Variants in KCNMB2 observed in about 807,000 individuals in gnomAD.
KCNMB2 encodes potassium calcium-activated channel subfamily M regulatory beta subunit 2.
A neutral mutation model predicts 24.5 loss-of-function variants in KCNMB2; 9 were observed. That is an observed-to-expected ratio of 0.37 (90% CI 0.22 to 0.64). The LOEUF is 0.64. Ranked by LOEUF, KCNMB2 falls within the 30% of genes least tolerant of loss-of-function variation. The pLI is 0.63. For synonymous variants in KCNMB2, 109 were observed against 104.4 expected, an observed-to-expected ratio of 1.04 and a Z score of -0.27; for missense variants, 226 against 284.3, an observed-to-expected ratio of 0.79 and a Z score of 1.47.
chr3:178,573,746 C>CAAAA (rs11348394), intron 1 of KCNMB2, among the ~76,000 whole-genome samples: 3 of 78,984 alleles, frequency 3.8e-5, no homozygotes, highest in East Asian at 3.6e-4. Flanking sequence ...GACCCTGTCT[C>CAAAA]AAAAAAAAAA....
chr3:178,793,323 C>G (rs988190637), intron 1 of KCNMB2, among the ~76,000 whole-genome samples: 2 of 152,138 alleles, frequency 1.3e-5, no homozygotes, highest in African/African-American at 4.8e-5. Flanking sequence ...GTCAGGGAAG[C>G]AGAATGATGC....
intron 1 of KCNMB2, among the ~76,000 whole-genome samples, chr3:178,761,359 C>A (rs1425545292): frequency 6.6e-6 from 1 of 152,154 alleles, no homozygotes; most frequent in Non-Finnish European, 1.5e-5. Flanking sequence ...TTTTCTAAAG[C>A]ACAGAAGAAA....
chr3:178,761,134 G>A (rs777097175), intron 1 of KCNMB2, among the ~76,000 whole-genome samples: 18 of 152,128 alleles, frequency 1.2e-4, no homozygotes, highest in Non-Finnish European at 2.2e-4. Context: ...CACTAACTCC[G>A]AGTCTGAATG....
intron 1 of KCNMB2, among the ~76,000 whole-genome samples, chr3:178,640,520 A>C (rs1201735307): frequency 6.6e-6 from 1 of 152,158 alleles, no homozygotes; most frequent in Non-Finnish European, 1.5e-5. Flanking sequence ...TGGGTATTAC[A>C]ATTTGACATG....
chr3:178,658,229 G>A (rs527545826), intron 1 of KCNMB2, among the ~76,000 whole-genome samples: 2 of 152,302 alleles, frequency 1.3e-5, no homozygotes, highest in South Asian at 4.1e-4. Flanking sequence ...TGAAACTTAA[G>A]ATCTTGTCAA....
chr3:178,783,870 C>T (rs1051585074), intron 1 of KCNMB2, among the ~76,000 whole-genome samples: 1 of 152,134 alleles, frequency 6.6e-6, no homozygotes, highest in Non-Finnish European at 1.5e-5. Context: ...TGTCTTGTGC[C>T]AGTTTTCAAA....
chr3:178,755,184 T>C (rs1433851948), intron 1 of KCNMB2, among the ~76,000 whole-genome samples: 1 of 152,226 alleles, frequency 6.6e-6, no homozygotes, highest in Non-Finnish European at 1.5e-5. Context: ...CAAGGAGACA[T>C]GCCTGTGCAT....
At chr3:178,788,077 A>G (rs1000425125) in intron 1 of KCNMB2, among the ~76,000 whole-genome samples, 10 of 152,146 alleles carry the variant, frequency 6.6e-5, no homozygotes, top group Non-Finnish European at 1.0e-4. Context: ...AGCTCTTATT[A>G]CAGTTTGAAT....
chr3:178,661,193 T>C (rs1489157524), intron 1 of KCNMB2, among the ~76,000 whole-genome samples: 1 of 151,080 alleles, frequency 6.6e-6, no homozygotes, highest in Non-Finnish European at 1.5e-5. Context: ...TGTGTCCATG[T>C]GTTCTCATTG....
chr3:178,578,815 A>G (rs1302531363), intron 1 of KCNMB2, among the ~76,000 whole-genome samples: 1 of 152,244 alleles, frequency 6.6e-6, no homozygotes, highest in African/African-American at 2.4e-5. Flanking sequence ...ATGTAATGAG[A>G]AGAGCTAACT....
intron 1 of KCNMB2, among the ~76,000 whole-genome samples, chr3:178,638,473 C>T (rs1387001634): frequency 6.6e-6 from 1 of 152,114 alleles, no homozygotes; most frequent in African/African-American, 2.4e-5. Context: ...AATAAAATGC[C>T]ACCTCTTCTC....
At chr3:178,759,391 C>A (rs186036087) in intron 1 of KCNMB2, among the ~76,000 whole-genome samples, 169 of 13,850 alleles carry the variant, frequency 0.012, 28 homozygotes, top group Middle Eastern at 0.5. Flanking sequence ...ATATATATAT[C>A]TCTCCAAGAG....
At chr3:178,572,055 T>C (rs180831286) in intron 1 of KCNMB2, among the ~76,000 whole-genome samples, 95 of 152,358 alleles carry the variant, frequency 6.2e-4, no homozygotes, top group African/African-American at 1.9e-3. Flanking sequence ...GATTTATTTT[T>C]TGAATTTAAA....
rs61796922 is a variant in KCNMB2, at chr3:178,745,858, C to T, written c.-67-61485C>T. Among the ~76,000 whole-genome samples the T allele has an allele frequency of 8.5e-3, 1,294 of 152,332 alleles. 11 individuals are homozygous for T. The highest frequency in any genetic ancestry group is 0.012 in the Non-Finnish European group (816 of 68,024). ...GACTCCATGTCTCACATCCAGGTCA[C>T]GCTGATGCAAGAGGTAGGTTCCCAT... is the stretch of plus-strand genomic sequence containing the variant. On this transcript the variant is annotated intron_variant, in intron 1 of 4. Transcript: ENST00000452583.
intron 1 of KCNMB2, among the ~76,000 whole-genome samples, chr3:178,544,652 G>A (rs2054397): frequency 0.4 from 60,267 of 151,950 alleles, 12,270 homozygotes; most frequent in East Asian, 0.6. Context: ...TGTCAGCTGA[G>A]TCCCACATGT....
chr3:178,681,926 C>T (rs749948157), intron 1 of KCNMB2, among the ~76,000 whole-genome samples: 2 of 152,164 alleles, frequency 1.3e-5, no homozygotes, highest in African/African-American at 4.8e-5. Context: ...CAACTTGAGA[C>T]TTAAAACTTT....
intron 1 of KCNMB2, among the ~76,000 whole-genome samples, chr3:178,594,976 G>C (rs1468515351): frequency 6.9e-6 from 1 of 144,844 alleles, no homozygotes; most frequent in Admixed American, 7.2e-5. Flanking sequence ...GGCTAATATA[G>C]ACATGGGCAT....
chr3:178,553,537 CTTTTTTT>C (rs78958133), intron 1 of KCNMB2, among the ~76,000 whole-genome samples: 1 of 139,106 alleles, frequency 7.2e-6, no homozygotes, highest in Non-Finnish European at 1.6e-5. Flanking sequence ...AGAGAGATTC[CTTTTTTT>C]TTTTTTTTTG....
intron 1 of KCNMB2, among the ~76,000 whole-genome samples, chr3:178,589,178 C>G (rs927699872): frequency 6.6e-6 from 1 of 152,220 alleles, no homozygotes; most frequent in African/African-American, 2.4e-5. Context: ...CCCCAGCGTT[C>G]TAACAGCTCA....
Sources: allele counts gnomAD v4.1 joint callset (sites outside exome capture counted in the v4.1 genomes callset), GRCh38; gene constraint gnomAD v4.1.1; transcripts MANE v1.5; gene names NCBI Gene and HGNC (gene_info 2026-07-23, HGNC 2026-07-21).